The following ANKRD1 variants were observed in gnomAD, a reference collection of about 807,000 sequenced individuals.
The protein encoded by ANKRD1 is ankyrin repeat domain 1.
Under a neutral mutation model 40.1 loss-of-function variants are expected in ANKRD1, and 32 were observed. The ratio of observed to expected loss-of-function variants is 0.80; its 90% CI spans 0.60 to 1.07. The LOEUF (loss-of-function observed/expected upper bound fraction) is 1.07. Among genes scored for constraint, ANKRD1 ranks in the 50% least tolerant of loss-of-function variants. ANKRD1 has a pLI of 0.00. For synonymous variants in ANKRD1, 149 were observed against 141.2 expected (o/e 1.06, Z -0.39); for missense variants, 359 against 386.0 (o/e 0.93, Z 0.59).
rs1224465205 is a variant in ANKRD1, at chr10:90,915,637, C to T, written c.755G>A (p.Gly252Glu). 6.2e-7 allele frequency: 1 copy of T among 1,613,642 alleles called. No individual in the cohort carries two copies. The highest frequency in any genetic ancestry group is 8.5e-7 in the Non-Finnish European group (1 of 1,179,780). Residue 252 changes from glycine (G) to glutamate (E), a missense_variant, in exon 8 of 9, where the codon GGA becomes GAA. Gly to Glu is a moderately conservative substitution (Grantham distance 98). Coordinates refer to ENST00000371697, the MANE Select transcript of ANKRD1 (RefSeq NM_014391.3). ...CACCGCATCATGCAACGGGGTATCT[C>T]CTTCCTAGAGAAGCAGAGTCAACAG... Reference protein sequence around the residue: ...EADLNAKDREGDTPLHDAVRL... With the variant: ...EADLNAKDREEDTPLHDAVRL...
At chr10:90,918,665 G>A (rs1289328423) in intron 4 of ANKRD1, among the ~76,000 whole-genome samples, 200 bp downstream of exon 4, 1 of 152,006 alleles carries the variant, frequency 6.6e-6, no homozygotes, top group Admixed American at 6.6e-5. Flanking sequence ...AAAAAACAAT[G>A]CAATCCGTAT....
At position 90,918,876 on chromosome 10, in the gene ANKRD1, C is replaced by T; in HGVS notation, c.442G>A (p.Val148Ile). Residue 148 changes from valine (V) to isoleucine (I), a missense_variant, in exon 4 of 9, where the codon GTT (valine) becomes ATT (isoleucine). Transcript: ENST00000371697. The stretch of plus-strand genomic sequence containing the variant: ...TGCATGAGTCTTACCTCATCACAAA[C>T]ATCTGGATTGTTCTTGTCTGACAAG... Reference protein sequence around the residue: ...KFLSDKNNPDVCDEYKRTALH... With the variant: ...KFLSDKNNPDICDEYKRTALH... The T allele has an allele frequency of 6.2e-7, 1 of 1,610,998 alleles. No homozygotes were observed. Among genetic ancestry groups the T allele is most frequent in the Non-Finnish European group, 8.5e-7 (1 of 1,178,710 alleles).
rs1847388468 is a variant in ANKRD1, at chr10:90,917,803, A to G, written c.481T>C (p.Cys161Arg). The change falls in exon 5 of 9, where the codon TGC becomes CGC. Residue 161 changes from cysteine (C) to arginine (R), a missense_variant. By Grantham distance (180) the Cys-to-Arg change is radical. Transcript: ENST00000371697. ...ACAATTGCCAAATGTCCTTCCAAGC[A>G]TGCTCTATGAAGAGCTGTCCGTTTA... ...EYKRTALHRA[C>R]LEGHLAIVEK... 1.9e-6 allele frequency: 3 copies of G among 1,613,942 alleles called. No individual in the cohort carries two copies. The highest frequency in any genetic ancestry group is 1.1e-5 in the South Asian group (1 of 91,084).
At chr10:90,920,539 T>C (rs1847426106) in intron 1 of ANKRD1, among the ~76,000 whole-genome samples, 191 bp from the exon 2 acceptor site, 1 of 152,240 alleles carries the variant, frequency 6.6e-6, no homozygotes, top group Admixed American at 6.5e-5. Context: ...ATGCTTGTCC[T>C]ACTCTCTTGG....
intron 4 of ANKRD1, among the ~76,000 whole-genome samples, chr10:90,918,376 G>A (rs576883435): frequency 2.6e-5 from 4 of 152,200 alleles, no homozygotes; most frequent in South Asian, 2.1e-4. Context: ...AACTTTAGGC[G>A]TTATTTCACT....
intron 3 of ANKRD1, 59 bp downstream of exon 3, chr10:90,919,072 G>C (rs1589510269): frequency 6.2e-7 from 1 of 1,603,640 alleles, no homozygotes; most frequent in Non-Finnish European, 8.5e-7. Flanking sequence ...ACAGATATTT[G>C]CTCCCCTGTA....
Position 90,920,309 on chromosome 10 carries a change from A to G in ANKRD1, c.67T>C (p.Phe23Leu). The G allele has an allele frequency of 1.2e-6, 2 of 1,614,140 alleles. No individual in the cohort carries two copies. Among genetic ancestry groups the G allele is most frequent in the Non-Finnish European group, 1.7e-6 (2 of 1,179,996 alleles). The change falls in exon 2 of 9, where the codon TTC (phenylalanine) becomes CTC (leucine). Residue 23 changes from phenylalanine to leucine, a missense_variant. By Grantham distance (22) the Phe-to-Leu change is conservative (BLOSUM62 0). Coordinates refer to ENST00000371697, the MANE Select transcript of ANKRD1 (RefSeq NM_014391.3). The part of the protein sequence containing the change: ...KKNGNGEAGE[F>L]LPEDFRDGEY... ...CCATCTCTGAAATCCTCAGGAAGGA[A>G]TTCCCCTGCCTCCCCATTGCCATTC...
Position 90,920,755 on chromosome 10 carries a change from T to A in ANKRD1, c.27+246A>T, listed in dbSNP as rs558796937. On this transcript the variant is annotated intron_variant, in intron 1 of 8. Transcript: ENST00000371697. ...CCTAAGACATTTTGATAACTACACG[T>A]GATTCCACACTGTAGTAATAAAACC... 4.6e-5 allele frequency among the ~76,000 whole-genome samples: 7 copies of A among 152,286 alleles called. No homozygotes were observed. The South Asian group carries it at 1.4e-3, about 32-fold the overall frequency.
Position 90,918,971 on chromosome 10 carries a change from G to A in ANKRD1, c.347C>T (p.Thr116Met), listed in dbSNP as rs142354133. ...VVKEPEPEII[T>M]EPVDVPTFLK... ...AAACGTAGGCACATCCACAGGTTCC[G>A]TCTAAAGCCAAAATAAATAAATATA... The change falls in exon 4 of 9, where the codon ACG becomes ATG. Residue 116 changes from threonine (T) to methionine (M), a missense_variant and splice_region_variant. Coordinates refer to ENST00000371697, the MANE Select transcript of ANKRD1 (RefSeq NM_014391.3). The A allele has an allele frequency of 1.3e-4, 202 of 1,567,716 alleles. No homozygotes were observed. Among genetic ancestry groups the A allele is most frequent in the East Asian group, 1.9e-4 (8 of 42,596 alleles).
In ANKRD1 at chr10:90,920,872, A is replaced by G. The variant is rs1358753939; in HGVS notation, c.27+129T>C. 8.0e-6 allele frequency: 7 copies of G among 875,132 alleles called. No individual in the cohort carries two copies. The Admixed American group carries it at 1.3e-4, about 16-fold the overall frequency. The allele number at this position is 875,132 out of a possible 1,614,324, so 54.2% of individuals were successfully genotyped here. On this transcript the variant is annotated intron_variant, in intron 1 of 8. Coordinates refer to ENST00000371697, the MANE Select transcript of ANKRD1 (RefSeq NM_014391.3). Reference sequence around the variant, plus strand: ...CAATTTCACTTGTTTCATCACATCAACCTTTTTCCATATATGACATTTTCA... The same window carrying G: ...CAATTTCACTTGTTTCATCACATCAGCCTTTTTCCATATATGACATTTTCA...
In ANKRD1 at chr10:90,919,162, G is replaced by A. The variant is rs1847405739; in HGVS notation, c.314C>T (p.Pro105Leu). The change falls in exon 3 of 9, where the codon CCA becomes CTA. Residue 105 changes from proline to leucine, a missense_variant. Physicochemically the swap from Pro to Leu is moderately conservative, Grantham distance 98. Coordinates refer to ENST00000371697, the MANE Select transcript of ANKRD1 (RefSeq NM_014391.3). ...KRKKYRKTKV[P>L]VVKEPEPEII... ...TTCAGGTTCTGGTTCCTTTACAACT[G>A]GAACTTTAGTTTTCCTGTATTTTTT... 2 of 1,612,218 alleles carry A rather than the reference G, an allele frequency of 1.2e-6. No individual in the cohort carries two copies. Among genetic ancestry groups the A allele is most frequent in the Admixed American group, 3.3e-5 (2 of 59,884 alleles).
chr10:90,913,082 A>C, intron 8 of ANKRD1, 106 bp from the exon 9 acceptor site: 1 of 1,059,606 alleles, frequency 9.4e-7, no homozygotes, highest in Non-Finnish European at 1.5e-6. Context: ...ATGTTATAAC[A>C]GTGTTTTATG....
chr10:90,920,134 A>G (rs768624688), intron 2 of ANKRD1, 35 bp downstream of exon 2: 9 of 1,612,126 alleles, frequency 5.6e-6, no homozygotes, highest in Middle Eastern at 4.2e-4. Context: ...CCCAGCCCCA[A>G]CATCCTACTA....
chr10:90,918,147 G>A (rs1436843774), intron 4 of ANKRD1, among the ~76,000 whole-genome samples: 1 of 152,152 alleles, frequency 6.6e-6, no homozygotes, highest in African/African-American at 2.4e-5. Flanking sequence ...TGTTCATGTA[G>A]CATTACCATG....
In ANKRD1 at chr10:90,912,290, G is replaced by T. The variant is rs1272396756; in HGVS notation, c.*576C>A. The T allele has an allele frequency of 6.6e-4, 10 of 15,232 alleles. No homozygotes were observed. The highest frequency in any genetic ancestry group is 2.1e-3 in the African/African-American group (8 of 3,858). The allele number at this position is 15,232 out of a possible 1,614,324, so 0.9% of individuals were successfully genotyped here. ...TTCACTTGGGTACTCTGTGTACTCG[G>T]TAAAAAAAAAAAAAAAAAAAAAAAA... On this transcript the variant is annotated 3_prime_UTR_variant, in exon 9 of 9. Coordinates refer to ENST00000371697, the MANE Select transcript of ANKRD1 (RefSeq NM_014391.3).
chr10:90,915,394 A>G, intron 8 of ANKRD1, 149 bp downstream of exon 8: 1 of 751,878 alleles, frequency 1.3e-6, no homozygotes. Context: ...TAGCCAAGAT[A>G]AACACTGTCC....
intron 6 of ANKRD1, 55 bp from the exon 7 acceptor site, chr10:90,915,935 C>T: frequency 6.4e-7 from 1 of 1,557,980 alleles, no homozygotes; most frequent in Non-Finnish European, 8.8e-7. Context: ...GAGGCTGTCC[C>T]AGACCCCAAG....
chr10:90,919,402 A>G (rs908339516), intron 2 of ANKRD1, 134 bp from the exon 3 acceptor site: 6 of 747,998 alleles, frequency 8.0e-6, no homozygotes, highest in Non-Finnish European at 1.0e-5. Flanking sequence ...TAAAAATTAT[A>G]TAAATCTTTG....
chr10:90,917,032 C>T (rs1847380653), intron 5 of ANKRD1, among the ~76,000 whole-genome samples: 1 of 152,144 alleles, frequency 6.6e-6, no homozygotes, highest in South Asian at 2.1e-4. Flanking sequence ...AGTTTCCATG[C>T]AAACTTCATA....
Sources: allele counts gnomAD v4.1 joint callset (sites outside exome capture counted in the v4.1 genomes callset), GRCh38; gene constraint gnomAD v4.1.1; transcripts MANE v1.5; gene names NCBI Gene and HGNC (gene_info 2026-07-23, HGNC 2026-07-21).